The following PKHD1 variants were observed in gnomAD, a reference collection of about 807,000 sequenced individuals.
PKHD1 encodes the protein fibrocystin.
PKHD1 carries 291 observed loss-of-function variants against 412.0 expected under a neutral mutation model. That is an observed-to-expected ratio of 0.71 (90% CI 0.64 to 0.78). PKHD1 has a LOEUF of 0.78. PKHD1 is among the 30% of genes least tolerant of loss of function. The pLI is 0.00. For synonymous variants in PKHD1, 1,777 were observed against 1,821.5 expected (o/e 0.98, Z 0.62); for missense variants, 4,825 against 4,950.7 (o/e 0.97, Z 0.76).
At chr6:51,633,006 T>C (rs562092433) in intron 64 of PKHD1, among the ~76,000 whole-genome samples, 67 of 152,258 alleles carry the variant, frequency 4.4e-4, no homozygotes, top group African/African-American at 1.5e-3. Flanking sequence ...CAACCTTCCA[T>C]ACCAATGCAA....
At chr6:52,043,318 G>T (rs1001108310) in intron 26 of PKHD1, among the ~76,000 whole-genome samples, 184 bp from the exon 27 acceptor site, 1 of 152,052 alleles carries the variant, frequency 6.6e-6, no homozygotes, top group South Asian at 2.1e-4. Flanking sequence ...ACACAGCCCC[G>T]ATCTTAAATT....
chr6:51,884,956 C>A (rs1777975427), intron 45 of PKHD1, among the ~76,000 whole-genome samples: 1 of 152,132 alleles, frequency 6.6e-6, no homozygotes, highest in Admixed American at 6.5e-5. Flanking sequence ...GTTAGCTGTC[C>A]TAATTGTATA....
At chr6:51,954,002 T>G (rs1331662007) in intron 36 of PKHD1, among the ~76,000 whole-genome samples, 3 of 152,114 alleles carry the variant, frequency 2.0e-5, no homozygotes, top group Admixed American at 6.6e-5. Flanking sequence ...ATCCAAGGTC[T>G]TTATTACCCA....
chr6:51,628,694 G>T (rs577871190), intron 65 of PKHD1, among the ~76,000 whole-genome samples: 1 of 152,282 alleles, frequency 6.6e-6, no homozygotes, highest in African/African-American at 2.4e-5. Context: ...CCCACCAACA[G>T]TGTATCAGCA....
chr6:51,851,938 T>C (rs1034092531), intron 49 of PKHD1, among the ~76,000 whole-genome samples: 1 of 152,174 alleles, frequency 6.6e-6, no homozygotes, highest in African/African-American at 2.4e-5. Context: ...ATTTCTTGTC[T>C]TCTGCTGGCT....
At chr6:51,888,621 G>C (rs770454531) in intron 43 of PKHD1, among the ~76,000 whole-genome samples, 1 of 151,730 alleles carries the variant, frequency 6.6e-6, no homozygotes, top group Non-Finnish European at 1.5e-5. Flanking sequence ...CTTGGACTGT[G>C]GATGATTTTT....
At chr6:52,047,075 T>C (rs185223239) in intron 23 of PKHD1, among the ~76,000 whole-genome samples, 62 of 152,340 alleles carry the variant, frequency 4.1e-4, no homozygotes, top group Non-Finnish European at 7.3e-4. Flanking sequence ...GAGTTTCAGA[T>C]CCATCATCAT....
chr6:51,897,011 T>C lies in PKHD1; in HGVS notation c.6996+6586A>G, dbSNP rs557388456. ...AAAGCCTCCAAGAAATATGGGACTA[T>C]GTGAAAAGACCAAATCTACGTCTGA... is the stretch of plus-strand genomic sequence containing the variant. On this transcript the variant is annotated intron_variant, in intron 43 of 66. Transcript: ENST00000371117. 1.5e-4 allele frequency among the ~76,000 whole-genome samples: 23 copies of C among 151,032 alleles called. No individual in the cohort carries two copies. In the South Asian group the frequency reaches 4.4e-3, roughly 29 times the overall value.
Position 51,847,692 on chromosome 6 carries a change from A to G in PKHD1, c.8107+83T>C, listed in dbSNP as rs190031889. On this transcript the variant is annotated intron_variant, in intron 50 of 66. Coordinates refer to ENST00000371117, the MANE Select transcript of PKHD1 (RefSeq NM_138694.4). ...GTCCCTTTCAGTTCCTCAGCACTTC[A>G]CAGCACAAATGTCTGGAATTGAAGG... The G allele has an allele frequency of 7.8e-6, 8 of 1,019,758 alleles. No homozygotes were observed. In the Admixed American group the frequency reaches 1.4e-4, roughly 17 times the overall value. 63.2% of individuals were successfully genotyped at this position (1,019,758 alleles called of 1,614,324 possible). A position where few individuals can be genotyped will look rare whatever the true frequency, so the allele number is the denominator to read the frequency against.
chr6:51,852,220 T>C (rs1255324448), intron 49 of PKHD1, among the ~76,000 whole-genome samples: 1 of 152,192 alleles, frequency 6.6e-6, no homozygotes, highest in East Asian at 1.9e-4. Context: ...TTTGAGTGAG[T>C]TTCTTAATCC....
chr6:51,790,122 T>G (rs976235044), intron 53 of PKHD1, among the ~76,000 whole-genome samples: 1 of 152,214 alleles, frequency 6.6e-6, no homozygotes, highest in African/African-American at 2.4e-5. Flanking sequence ...ATTTTCATGC[T>G]ACCTAACAAG....
intron 35 of PKHD1, among the ~76,000 whole-genome samples, chr6:51,979,012 A>G (rs1583670582): frequency 6.6e-6 from 1 of 152,208 alleles, no homozygotes; most frequent in African/African-American, 2.4e-5. Flanking sequence ...CTTAGCCATT[A>G]ATATCAAGTT....
chr6:51,800,747 T>A (rs117001640), intron 52 of PKHD1, among the ~76,000 whole-genome samples: 1 of 152,196 alleles, frequency 6.6e-6, no homozygotes, highest in African/African-American at 2.4e-5. Flanking sequence ...CCACTGCTTG[T>A]ATGGTATGCA....
intron 47 of PKHD1, among the ~76,000 whole-genome samples, chr6:51,869,223 A>G (rs1775569197): frequency 6.6e-6 from 1 of 152,100 alleles, no homozygotes; most frequent in Admixed American, 6.6e-5. Context: ...CCCAAGCACA[A>G]CTTACTTCTT....
chr6:52,022,757 C>T lies in PKHD1; in HGVS notation c.5380+44G>A, dbSNP rs778491502. 208 of 1,589,098 alleles carry T rather than the reference C, an allele frequency of 1.3e-4. 1 individual carries two copies. Among genetic ancestry groups the T allele is most frequent in the Non-Finnish European group, 1.7e-4 (200 of 1,157,958 alleles). On this transcript the variant is annotated intron_variant, in intron 33 of 66. Coordinates refer to ENST00000371117, the MANE Select transcript of PKHD1 (RefSeq NM_138694.4). ...AGAATTAACCAAAGAATATCATTTCCATATATATGCTTTAAAATATATGTG... is the reference window on the plus strand; with the variant it reads ...AGAATTAACCAAAGAATATCATTTCTATATATATGCTTTAAAATATATGTG...
chr6:51,797,701 T>C (rs888463982), intron 52 of PKHD1, among the ~76,000 whole-genome samples: 3 of 152,214 alleles, frequency 2.0e-5, no homozygotes, highest in Admixed American at 2.0e-4. Context: ...TGTCTTTGCA[T>C]GTGAGATAGG....
At chr6:51,918,277 C>T (rs1784142506) in intron 37 of PKHD1, among the ~76,000 whole-genome samples, 2 of 152,070 alleles carry the variant, frequency 1.3e-5, no homozygotes, top group African/African-American at 4.8e-5. Flanking sequence ...TATACACGTG[C>T]CATGGTGGTT....
At chr6:51,899,917 A>G (rs1320720584) in intron 43 of PKHD1, among the ~76,000 whole-genome samples, 1 of 152,098 alleles carries the variant, frequency 6.6e-6, no homozygotes, top group Non-Finnish European at 1.5e-5. Context: ...CCCATTCACA[A>G]TTGCTTCAAA....
rs1350369796 is a variant in PKHD1, at chr6:51,616,587, T to C, written c.*2494A>G. On this transcript the variant is annotated 3_prime_UTR_variant, in exon 67 of 67. Coordinates refer to ENST00000371117, the MANE Select transcript of PKHD1 (RefSeq NM_138694.4). Reference sequence around the variant, plus strand: ...TAACTATGGGTTGAGGAATTTTAGCTAGATGCCAAAATTCCATGCCACATG... The same window carrying C: ...TAACTATGGGTTGAGGAATTTTAGCCAGATGCCAAAATTCCATGCCACATG... 3 of 396,892 alleles carry C rather than the reference T, an allele frequency of 7.6e-6. No individual in the cohort carries two copies. 24.6% of individuals were successfully genotyped at this position (396,892 alleles called of 1,614,324 possible).
Sources: allele counts gnomAD v4.1 joint callset (sites outside exome capture counted in the v4.1 genomes callset), GRCh38; gene constraint gnomAD v4.1.1; transcripts MANE v1.5; gene names NCBI Gene and HGNC (gene_info 2026-07-23, HGNC 2026-07-21).